PPARGC1A: variants seen among roughly 807,000 people sequenced by gnomAD.
PPARGC1A encodes the protein peroxisome proliferator-activated receptor gamma coactivator 1-alpha.
PPARGC1A carries 25 observed loss-of-function variants against 88.7 expected under a neutral mutation model. The observed-to-expected ratio is 0.28, with a 90% confidence interval of 0.21 to 0.39. PPARGC1A has a LOEUF of 0.39. PPARGC1A is among the 10% of genes least tolerant of loss of function. The pLI is 1.00. For synonymous variants in PPARGC1A, 363 were observed against 355.6 expected, an observed-to-expected ratio of 1.02 and a Z score of -0.24; for missense variants, 880 against 968.7, an observed-to-expected ratio of 0.91 and a Z score of 1.22.
the PPARGC1A span, among the ~76,000 whole-genome samples, chr4:24,132,747 C>T: frequency 3.9e-5 from 6 of 151,902 alleles, no homozygotes; most frequent in African/African-American, 1.5e-4. Flanking sequence ...TTAACATTTG[C>T]TGCTCAGATT....
chr4:24,341,482 G>C, the PPARGC1A span, among the ~76,000 whole-genome samples: 2 of 152,172 alleles, frequency 1.3e-5, no homozygotes, highest in African/African-American at 4.8e-5. Context: ...CATGGAGCCT[G>C]CAGTCTAGCG....
At chr4:23,849,971 A>G (rs576171901) in intron 2 of PPARGC1A, among the ~76,000 whole-genome samples, 14 of 152,296 alleles carry the variant, frequency 9.2e-5, no homozygotes, top group African/African-American at 3.4e-4. Context: ...AATGAAGGAA[A>G]AAAATAGACA....
At chr4:23,807,751 G>A (rs1720083274) in intron 10 of PPARGC1A, among the ~76,000 whole-genome samples, 1 of 149,118 alleles carries the variant, frequency 6.7e-6, no homozygotes, top group African/African-American at 2.6e-5. Context: ...GTGTGTGTGT[G>A]TGTATGTGTG....
chr4:24,258,156 A>G, the PPARGC1A span: 1 of 895,978 alleles, frequency 1.1e-6, no homozygotes, highest in Non-Finnish European at 1.3e-6. Flanking sequence ...TGGTATTTGC[A>G]CTTCAGAATA....
chr4:23,856,246 AC>A (rs1730170012), intron 2 of PPARGC1A, among the ~76,000 whole-genome samples: 2 of 152,234 alleles, frequency 1.3e-5, no homozygotes, highest in South Asian at 4.1e-4. Flanking sequence ...CAAACGCTGA[AC>A]TTTTGCAGCC....
the PPARGC1A span, among the ~76,000 whole-genome samples, chr4:24,011,363 A>C: frequency 6.6e-6 from 1 of 152,138 alleles, no homozygotes; most frequent in Admixed American, 6.5e-5. Flanking sequence ...GACTCACTGC[A>C]CAAGCACTCA....
chr4:24,442,534 A>G, the PPARGC1A span, among the ~76,000 whole-genome samples: 1 of 152,236 alleles, frequency 6.6e-6, no homozygotes. Context: ...AACAGTTTTA[A>G]TATGTAAGAG....
At chr4:24,075,298 G>A in the PPARGC1A span, among the ~76,000 whole-genome samples, 1 of 152,156 alleles carries the variant, frequency 6.6e-6, no homozygotes, top group Admixed American at 6.5e-5. Flanking sequence ...TGGTGGTGGT[G>A]TCCACCAGAG....
chr4:23,910,336 A>ATATATTATATATTATATATAT, the PPARGC1A span, among the ~76,000 whole-genome samples: 5 of 63,678 alleles, frequency 7.9e-5, no homozygotes, highest in African/African-American at 4.1e-4. Context: ...TATATATTAT[A>ATATATTATATATTATATATAT]TATATTATAT....
At chr4:23,947,374 T>C in the PPARGC1A span, among the ~76,000 whole-genome samples, 1 of 80,830 alleles carries the variant, frequency 1.2e-5, no homozygotes, top group Non-Finnish European at 2.4e-5. Context: ...TATATATATA[T>C]ATATATATAT....
At chr4:24,067,415 A>G in the PPARGC1A span, among the ~76,000 whole-genome samples, 2 of 152,210 alleles carry the variant, frequency 1.3e-5, no homozygotes, top group African/African-American at 2.4e-5. Flanking sequence ...ATGCCCCCAA[A>G]GGGACGCCTC....
chr4:24,196,022 G>A, the PPARGC1A span, among the ~76,000 whole-genome samples: 1 of 152,168 alleles, frequency 6.6e-6, no homozygotes, highest in Non-Finnish European at 1.5e-5. Flanking sequence ...AAGAGGCCAT[G>A]GGGTTTCTCT....
chr4:23,901,184 G>A (rs75585437), upstream of PPARGC1A, among the ~76,000 whole-genome samples: 32,683 of 151,970 alleles, frequency 0.22, 4,718 homozygotes, highest in Non-Finnish European at 0.32. Flanking sequence ...TGGCTAACAC[G>A]GTGAAACCCC....
the PPARGC1A span, among the ~76,000 whole-genome samples, chr4:24,400,438 T>A: frequency 6.6e-6 from 1 of 152,238 alleles, no homozygotes; most frequent in African/African-American, 2.4e-5. Context: ...TCTTCAGTTT[T>A]GGGACTCAGA....
At chr4:23,821,770 T>A (rs528762402) in intron 7 of PPARGC1A, among the ~76,000 whole-genome samples, 26 of 152,056 alleles carry the variant, frequency 1.7e-4, no homozygotes, top group Non-Finnish European at 2.9e-4. Context: ...TGCATAAGAA[T>A]CCTAGTCTTT....
At chr4:24,089,592 G>T in the PPARGC1A span, among the ~76,000 whole-genome samples, 1 of 147,970 alleles carries the variant, frequency 6.8e-6, no homozygotes, top group Admixed American at 6.8e-5. Flanking sequence ...CTCACTGCAA[G>T]CTCCGCCTCC....
chr4:24,440,454 G>A, the PPARGC1A span, among the ~76,000 whole-genome samples: 1 of 152,124 alleles, frequency 6.6e-6, no homozygotes, highest in African/African-American at 2.4e-5. Context: ...GGCCACAGTT[G>A]GAAACTGACA....
chr4:24,051,407 T>C, the PPARGC1A span, among the ~76,000 whole-genome samples: 1 of 152,172 alleles, frequency 6.6e-6, no homozygotes, highest in Non-Finnish European at 1.5e-5. Context: ...ATGATAGTTA[T>C]TTATTGTTCA....
chr4:24,153,134 C>A, the PPARGC1A span, among the ~76,000 whole-genome samples: 400 of 152,242 alleles, frequency 2.6e-3, 3 homozygotes, highest in African/African-American at 8.8e-3. Context: ...GAGAAGGTAA[C>A]TATAGAGGAG....
Sources: gnomAD v4.1 joint callset for allele counts (sites outside exome capture counted in the v4.1 genomes callset) on GRCh38, gnomAD v4.1.1 for gene constraint, MANE v1.5 for transcripts, NCBI Gene and HGNC (gene_info 2026-07-23, HGNC 2026-07-21) for gene names.